FBXL20: variants seen among roughly 807,000 people sequenced by gnomAD.
The protein encoded by FBXL20 is F-box and leucine rich repeat protein 20, also known as F-box/LRR-repeat protein 20.
In FBXL20, 11 loss-of-function variants were observed where a neutral mutation model predicts 64.0. The observed-to-expected ratio is 0.17, with a 90% CI of 0.11 to 0.28. FBXL20 has a LOEUF of 0.28. Ranked by LOEUF, FBXL20 falls within the 10% of genes least tolerant of loss-of-function variation. FBXL20 has a pLI of 1.00. For synonymous variants in FBXL20, 184 were observed against 189.0 expected, an observed-to-expected ratio of 0.97 and a Z score of 0.22; for missense variants, 303 against 526.2, an observed-to-expected ratio of 0.58 and a Z score of 4.15.
chr17:39,300,703 T>C (rs577564890), intron 4 of FBXL20, among the ~76,000 whole-genome samples: 80 of 152,112 alleles, frequency 5.3e-4, no homozygotes, highest in Non-Finnish European at 9.4e-4. Flanking sequence ...TTCACTAAAA[T>C]AAACATAGAT....
intron 2 of FBXL20, among the ~76,000 whole-genome samples, chr17:39,312,455 A>G (rs907698055): frequency 1.3e-5 from 2 of 148,978 alleles, no homozygotes; most frequent in African/African-American, 5.0e-5. Flanking sequence ...TTACAGTTCT[A>G]ATCTGGCTCC....
chr17:39,342,890 A>G (rs1195105025), intron 2 of FBXL20, among the ~76,000 whole-genome samples: 1 of 152,178 alleles, frequency 6.6e-6, no homozygotes, highest in Non-Finnish European at 1.5e-5. Context: ...TCAAAACCAA[A>G]CAAACAAAAA....
intron 2 of FBXL20, among the ~76,000 whole-genome samples, chr17:39,333,258 G>A (rs2047481224): frequency 6.6e-6 from 1 of 152,204 alleles, no homozygotes; most frequent in East Asian, 1.9e-4. Context: ...TGATTCTCCT[G>A]CCTCAGCCTG....
chr17:39,338,898 A>G (rs894033978), intron 2 of FBXL20, among the ~76,000 whole-genome samples: 3 of 152,042 alleles, frequency 2.0e-5, no homozygotes, highest in African/African-American at 7.2e-5. Flanking sequence ...TGGGTAAAAC[A>G]GCTCATGCCT....
intron 1 of FBXL20, among the ~76,000 whole-genome samples, chr17:39,389,619 C>T (rs1409280225): frequency 6.6e-6 from 1 of 152,038 alleles, no homozygotes; most frequent in Non-Finnish European, 1.5e-5. Flanking sequence ...GAGATCGAGA[C>T]CATCCTGGCT....
At position 39,282,812 on chromosome 17, in the gene FBXL20, C is replaced by G; in HGVS notation, c.538G>C (p.Asp180His). 6 of 1,614,120 alleles carry G rather than the reference C, an allele frequency of 3.7e-6. No individual in the cohort carries two copies. Among genetic ancestry groups the G allele is most frequent in the Non-Finnish European group, 5.1e-6 (6 of 1,180,018 alleles). Residue 180 changes from aspartate (D) to histidine (H), a missense_variant, in exon 8 of 15, where the codon GAC (aspartate) becomes CAC (histidine). Asp to His is a moderately conservative substitution (Grantham distance 81, BLOSUM62 -1). Around this residue, in one of 3 missense-constraint regions of FBXL20, gnomAD observed 246 missense variants for 422.6 expected, o/e 0.58. Coordinates refer to ENST00000264658, the MANE Select transcript of FBXL20 (RefSeq NM_032875.3). Reference sequence around the variant, plus strand: ...TGAATGCCATCCTTGGTTACTTGGTCACACCAGGAAATGTTCAACTGCTCC... The same window carrying G: ...TGAATGCCATCCTTGGTTACTTGGTGACACCAGGAAATGTTCAACTGCTCC... ...LLEQLNISWC[D>H]QVTKDGIQAL...
intron 1 of FBXL20, among the ~76,000 whole-genome samples, chr17:39,352,082 G>T (rs181536285): frequency 3.9e-5 from 6 of 152,090 alleles, no homozygotes; most frequent in African/African-American, 1.4e-4. Context: ...TTTTCTATCA[G>T]TTTCTAAATC....
chr17:39,352,089 A>G (rs1023458697), intron 1 of FBXL20, among the ~76,000 whole-genome samples: 3 of 152,166 alleles, frequency 2.0e-5, no homozygotes, highest in Non-Finnish European at 4.4e-5. Context: ...TCAGTTTCTA[A>G]ATCTCAGTTT....
At chr17:39,304,258 A>G (rs1278433731) in intron 2 of FBXL20, among the ~76,000 whole-genome samples, 3 of 152,030 alleles carry the variant, frequency 2.0e-5, no homozygotes, top group Non-Finnish European at 2.9e-5. Flanking sequence ...TAAAATTATC[A>G]AAAGAAAGAA....
At chr17:39,336,673 A>G (rs2047524736) in intron 2 of FBXL20, among the ~76,000 whole-genome samples, 1 of 151,922 alleles carries the variant, frequency 6.6e-6, no homozygotes, top group African/African-American at 2.4e-5. Flanking sequence ...AAAATACAAA[A>G]ATTAGCCCAG....
chr17:39,333,728 T>C (rs1396018346), intron 2 of FBXL20, among the ~76,000 whole-genome samples: 1 of 147,186 alleles, frequency 6.8e-6, no homozygotes, highest in Non-Finnish European at 1.5e-5. Context: ...GCCCATCATC[T>C]GGGATGTGGG....
intron 2 of FBXL20, among the ~76,000 whole-genome samples, chr17:39,327,271 T>C (rs927366978): frequency 6.6e-6 from 1 of 152,152 alleles, no homozygotes; most frequent in Admixed American, 6.6e-5. Context: ...CAATATTTTC[T>C]TTGTATTATC....
At chr17:39,280,458 A>G (rs801427) in intron 9 of FBXL20, among the ~76,000 whole-genome samples, 116,164 of 149,958 alleles carry the variant, frequency 0.77, 45,713 homozygotes, top group South Asian at 0.92. Context: ...AGCAATGCAG[A>G]AGGCTGAGGC....
At chr17:39,326,709 T>G (rs1446234196) in intron 2 of FBXL20, among the ~76,000 whole-genome samples, 1 of 151,476 alleles carries the variant, frequency 6.6e-6, no homozygotes, top group Non-Finnish European at 1.5e-5. Context: ...AGCCTCAAAC[T>G]CCTGGCCTCA....
At chr17:39,402,305 G>A (rs1430591667), upstream of FBXL20, 8 of 920,434 alleles carry the variant, frequency 8.7e-6, no homozygotes, top group Non-Finnish European at 1.1e-5. Flanking sequence ...CGCCTCCCCC[G>A]CCTCCCCCGC....
At chr17:39,290,176 G>T (rs920799297) in intron 6 of FBXL20, among the ~76,000 whole-genome samples, 1 of 149,780 alleles carries the variant, frequency 6.7e-6, no homozygotes, top group African/African-American at 2.5e-5. Flanking sequence ...TATATTTTTG[G>T]GTATTACTAT....
intron 3 of FBXL20, among the ~76,000 whole-genome samples, chr17:39,303,263 A>T (rs190070472): frequency 3.7e-4 from 57 of 152,256 alleles, no homozygotes; most frequent in Admixed American, 1.3e-3. Context: ...AAAAAAATGA[A>T]CTAGGAAAAC....
intron 14 of FBXL20, among the ~76,000 whole-genome samples, chr17:39,261,775 C>T (rs886086667): frequency 2.6e-5 from 4 of 151,886 alleles, no homozygotes; most frequent in African/African-American, 9.7e-5. Context: ...GACTTTGGTA[C>T]CTGTTTGTGT....
intron 2 of FBXL20, among the ~76,000 whole-genome samples, chr17:39,322,808 A>G (rs1278129156): frequency 4.6e-5 from 7 of 151,930 alleles, no homozygotes; most frequent in Non-Finnish European, 7.4e-5. Context: ...TATTTATTTT[A>G]TTTTTTTATT....
Sources: allele counts gnomAD v4.1 joint callset (sites outside exome capture counted in the v4.1 genomes callset), GRCh38; gene constraint gnomAD v4.1.1; regional missense constraint gnomAD v4.1.1; transcripts MANE v1.5; gene names NCBI Gene and HGNC (gene_info 2026-07-23, HGNC 2026-07-21).